The following VTCN1 variants were observed in gnomAD, a reference collection of about 807,000 sequenced individuals.
The protein encoded by VTCN1 is V-set domain containing T cell activation inhibitor 1, also known as V-set domain-containing T-cell activation inhibitor 1.
Under a neutral mutation model 26.5 loss-of-function variants are expected in VTCN1, and 26 were observed. The observed-to-expected ratio is 0.98, with a 90% confidence interval of 0.72 to 1.36. The LOEUF (loss-of-function observed/expected upper bound fraction) is 1.36, where lower values mean the gene tolerates loss of function less well. Among genes scored for constraint, VTCN1 ranks in the 40% most tolerant of loss-of-function variants. The pLI, the probability that VTCN1 is intolerant of heterozygous loss-of-function variation, is 0.00. For synonymous variants in VTCN1, 116 were observed against 130.7 expected (o/e 0.89, Z 0.77); for missense variants, 298 against 337.7 (o/e 0.88, Z 0.92).
Position 117,167,910 on chromosome 1 carries a change from C to T in VTCN1, c.97+2197G>A, listed in dbSNP as rs1652698247. On this transcript the variant is annotated intron_variant, in intron 2 of 5. Transcript: ENST00000369458. This position sits in a 1 kb window ranked among gnomAD's most constrained non-coding sequence, Gnocchi z 4.1. The stretch of plus-strand genomic sequence containing the variant: ...CAAAACTACTATAAAGCTAACAATA[C>T]CTTATAAATCTATTTTAGTATATGA... Among the ~76,000 whole-genome samples the T allele has an allele frequency of 6.6e-6, 1 of 150,964 alleles. No individual in the cohort carries two copies. The highest frequency in any genetic ancestry group is 1.5e-5 in the Non-Finnish European group (1 of 67,844).
rs6699882 is a variant in VTCN1 at position 117,155,910 on chromosome 1, A to G, written c.445+664T>C. On this transcript the variant is annotated intron_variant, in intron 3 of 5. Transcript: ENST00000369458. The surrounding 1 kb of genome is among the most constrained non-coding windows in gnomAD (Gnocchi z 4.8). ...TCTCTTAAAGCATTTGATACACTTT[A>G]CTAATTATTATCATTTACAGACTTT... Among the ~76,000 whole-genome samples, 8,496 of 152,186 alleles carry G rather than the reference A, an allele frequency of 0.056. 789 individuals are homozygous for G. The highest frequency in any genetic ancestry group is 0.19 in the African/African-American group (7,854 of 41,486).
chr1:117,210,373 A>C (rs1178409519), intron 1 of VTCN1, among the ~76,000 whole-genome samples: 1 of 152,142 alleles, frequency 6.6e-6, no homozygotes, highest in African/African-American at 2.4e-5. Flanking sequence ...GAATGAAAGC[A>C]CATTCTCCTC....
chr1:117,144,773 G>A lies in VTCN1; in HGVS notation c.*498C>T, dbSNP rs868084912. On this transcript the variant is annotated 3_prime_UTR_variant, in exon 6 of 6. Coordinates refer to ENST00000369458, the MANE Select transcript of VTCN1 (RefSeq NM_024626.4). Reference sequence around the variant, plus strand: ...GCCGCCCCTGAGTTGCGAAGTGGCAGTCAATTAGCAGCGTCTTAGGGTACA... The same window carrying A: ...GCCGCCCCTGAGTTGCGAAGTGGCAATCAATTAGCAGCGTCTTAGGGTACA... 5.9e-5 allele frequency: 9 copies of A among 152,648 alleles called. No homozygotes were observed. The highest frequency in any genetic ancestry group is 2.1e-4 in the South Asian group (1 of 4,826). 9.5% of individuals were successfully genotyped at this position (152,648 alleles called of 1,614,324 possible). A position where few individuals can be genotyped will look rare whatever the true frequency, so the allele number is the denominator to read the frequency against.
At chr1:117,190,975 A>G (rs1208017344) in intron 1 of VTCN1, among the ~76,000 whole-genome samples, 2 of 152,254 alleles carry the variant, frequency 1.3e-5, no homozygotes, top group Non-Finnish European at 2.9e-5. Context: ...ATCATCTTAA[A>G]GAAGCTCAAT....
rs1363975368 is a variant in VTCN1 at position 117,147,326 on chromosome 1, C to T, written c.*45+287G>A. On this transcript the variant is annotated intron_variant, in intron 5 of 5. Coordinates refer to ENST00000369458, the MANE Select transcript of VTCN1 (RefSeq NM_024626.4). The surrounding 1 kb of genome is among the most constrained non-coding windows in gnomAD (Gnocchi z 4.6). ...TCAGGGCTAAATATCTCTTTCTCTT[C>T]AATAAGTTATTTTGCCTTCATTGAT... is the stretch of plus-strand genomic sequence containing the variant. 1.3e-5 allele frequency among the ~76,000 whole-genome samples: 2 copies of T among 152,106 alleles called. No individual in the cohort carries two copies. The highest frequency in any genetic ancestry group is 2.9e-5 in the Non-Finnish European group (2 of 68,018).
At position 117,147,537 on chromosome 1, in the gene VTCN1, G is replaced by A. The variant is rs1651570660; in HGVS notation, c.*45+76C>T. 2.4e-6 allele frequency: 3 copies of A among 1,253,702 alleles called. No individual in the cohort carries two copies. The highest frequency in any genetic ancestry group is 3.3e-6 in the Non-Finnish European group (3 of 916,434). The allele number at this position is 1,253,702 out of a possible 1,614,324, so 77.7% of individuals were successfully genotyped here. On this transcript the variant is annotated intron_variant, in intron 5 of 5. Transcript: ENST00000369458. The surrounding 1 kb of genome is among the most constrained non-coding windows in gnomAD (Gnocchi z 4.6). ...AATGTTTCTTTCTGTGGCTGATGCT[G>A]AAGGCTATCCGACTCTCATTAGGAG...
chr1:117,159,875 G>A lies in VTCN1; in HGVS notation c.98-2954C>T, dbSNP rs771334309. Among the ~76,000 whole-genome samples the A allele has an allele frequency of 2.0e-5, 3 of 152,156 alleles. No homozygotes were observed. The highest frequency in any genetic ancestry group is 4.4e-5 in the Non-Finnish European group (3 of 68,030). ...AGTTGATTTTTGGTTTAAAATGAAAGCCACCCTCTCCTCTACTGACATACC... is the reference window on the plus strand; with the variant it reads ...AGTTGATTTTTGGTTTAAAATGAAAACCACCCTCTCCTCTACTGACATACC... On this transcript the variant is annotated intron_variant, in intron 2 of 5. Coordinates refer to ENST00000369458, the MANE Select transcript of VTCN1 (RefSeq NM_024626.4). The surrounding 1 kb of genome is among the most constrained non-coding windows in gnomAD (Gnocchi z 4.7).
chr1:117,209,456 A>T (rs1649253636), intron 1 of VTCN1, among the ~76,000 whole-genome samples: 1 of 152,126 alleles, frequency 6.6e-6, no homozygotes, highest in South Asian at 2.1e-4. Context: ...TCAGAGCAAG[A>T]TCCCCTCATG....
chr1:117,177,375 C>T (rs1282720996), intron 1 of VTCN1, among the ~76,000 whole-genome samples: 1 of 152,078 alleles, frequency 6.6e-6, no homozygotes, highest in African/African-American at 2.4e-5. Context: ...TACCCCTCTC[C>T]CTGTATCTCT....
At chr1:117,196,442 A>G (rs921208792) in intron 1 of VTCN1, among the ~76,000 whole-genome samples, 4 of 151,654 alleles carry the variant, frequency 2.6e-5, no homozygotes, top group Non-Finnish European at 5.9e-5. Context: ...AAAAGACTGG[A>G]AGGACATATA....
intron 1 of VTCN1, among the ~76,000 whole-genome samples, chr1:117,201,545 T>C (rs1648787622): frequency 6.6e-6 from 1 of 152,188 alleles, no homozygotes; most frequent in Non-Finnish European, 1.5e-5. Flanking sequence ...CCAGCAGCAA[T>C]TTGCAAGCCT....
At position 117,203,601 on chromosome 1, in the gene VTCN1, T is replaced by C. The variant is rs531007091; in HGVS notation, c.32+7223A>G. ...TGAAAAGCGCACACAGAGAGAAATGTAGCCTGGGTTTCTTACCTGTAGAAA... is the reference window on the plus strand; with the variant it reads ...TGAAAAGCGCACACAGAGAGAAATGCAGCCTGGGTTTCTTACCTGTAGAAA... On this transcript the variant is annotated intron_variant, in intron 1 of 5. Coordinates refer to ENST00000369458, the MANE Select transcript of VTCN1 (RefSeq NM_024626.4). The C allele has an allele frequency of 1.0e-5, 10 of 985,352 alleles. No homozygotes were observed. The South Asian group carries it at 4.2e-4, about 42-fold the overall frequency. The allele number at this position is 985,352 out of a possible 1,614,324, so 61.0% of individuals were successfully genotyped here.
chr1:117,165,928 T>C (rs1019672372), intron 2 of VTCN1, among the ~76,000 whole-genome samples: 4 of 152,226 alleles, frequency 2.6e-5, no homozygotes, highest in South Asian at 2.1e-4. Flanking sequence ...ATAGAGGCAA[T>C]TGAAAAAATC....
At chr1:117,171,637 T>C (rs1484479278) in intron 1 of VTCN1, among the ~76,000 whole-genome samples, 3 of 152,254 alleles carry the variant, frequency 2.0e-5, no homozygotes, top group Admixed American at 6.5e-5. Context: ...ATTGCTTACA[T>C]GTACTAAGTG....
chr1:117,193,888 C>G (rs554988367), intron 1 of VTCN1, among the ~76,000 whole-genome samples: 1 of 152,132 alleles, frequency 6.6e-6, no homozygotes, highest in East Asian at 1.9e-4. Context: ...GTATTGAAGA[C>G]TAAATATAAG....
At chr1:117,168,517 C>G (rs1386590520) in intron 2 of VTCN1, among the ~76,000 whole-genome samples, 9 of 152,100 alleles carry the variant, frequency 5.9e-5, no homozygotes, top group Non-Finnish European at 1.3e-4. Flanking sequence ...ATTTCTTAAA[C>G]AGGTTACAAA....
Position 117,147,319 on chromosome 1 carries a change from T to G in VTCN1, c.*45+294A>C, listed in dbSNP as rs1651560274. On this transcript the variant is annotated intron_variant, in intron 5 of 5. Transcript: ENST00000369458. This position sits in a 1 kb window ranked among gnomAD's most constrained non-coding sequence, Gnocchi z 4.6. ...TAATTACTCAGGGCTAAATATCTCT[T>G]TCTCTTCAATAAGTTATTTTGCCTT... 6.6e-6 allele frequency among the ~76,000 whole-genome samples: 1 copy of G among 152,180 alleles called. No individual in the cohort carries two copies. Among genetic ancestry groups the G allele is most frequent in the Admixed American group, 6.5e-5 (1 of 15,272 alleles).
intron 1 of VTCN1, among the ~76,000 whole-genome samples, chr1:117,208,233 C>T (rs1649196217): frequency 9.2e-5 from 14 of 152,216 alleles, no homozygotes; most frequent in Admixed American, 9.2e-4. Context: ...AGCTTTCCAA[C>T]ACACCATGCT....
rs1410789373 is a variant in VTCN1, at chr1:117,183,934, T to C, written c.33-13763A>G. Among the ~76,000 whole-genome samples, 1 of 152,152 alleles carries C rather than the reference T, an allele frequency of 6.6e-6. No homozygotes were observed. The highest frequency in any genetic ancestry group is 1.5e-5 in the Non-Finnish European group (1 of 68,026). ...AAGAGAGTGCTGGGCGCAATGGCTATGCATTCCAGGGACCAAAAGCTTCTG... is the reference window on the plus strand; with the variant it reads ...AAGAGAGTGCTGGGCGCAATGGCTACGCATTCCAGGGACCAAAAGCTTCTG... On this transcript the variant is annotated intron_variant, in intron 1 of 5. Transcript: ENST00000369458. This position sits in a 1 kb window ranked among gnomAD's most constrained non-coding sequence, Gnocchi z 4.1.
Sources: allele counts gnomAD v4.1 joint callset (sites outside exome capture counted in the v4.1 genomes callset), GRCh38; gene constraint gnomAD v4.1.1; non-coding constraint Gnocchi (gnomAD v3.1); transcripts MANE v1.5; gene names NCBI Gene and HGNC (gene_info 2026-07-23, HGNC 2026-07-21).